PPARG: variants seen among roughly 807,000 people sequenced by gnomAD.
The protein encoded by PPARG is peroxisome proliferator activated receptor gamma, also known as peroxisome proliferator-activated receptor gamma.
In PPARG, 17 loss-of-function variants were observed where a neutral mutation model predicts 39.2. That is an observed-to-expected ratio of 0.43 (90% CI 0.30 to 0.65). The LOEUF is 0.65. Ranked by LOEUF, PPARG falls within the 30% of genes least tolerant of loss-of-function variation. The pLI, the probability that PPARG is intolerant of heterozygous loss-of-function variation, is 0.13. For missense variants in PPARG, 406 were observed against 585.9 expected (o/e 0.69, Z 3.17); for synonymous variants, 223 against 215.7 (o/e 1.03, Z -0.30).
chr3:12,322,564 C>T (rs2047575835), intron 2 of PPARG, among the ~76,000 whole-genome samples: 1 of 152,148 alleles, frequency 6.6e-6, no homozygotes, highest in African/African-American at 2.4e-5. Flanking sequence ...GATGGTTGCA[C>T]TGAGCTGAAC....
chr3:12,422,669 C>T (rs545374580), intron 7 of PPARG, among the ~76,000 whole-genome samples: 1 of 152,172 alleles, frequency 6.6e-6, no homozygotes, highest in East Asian at 1.9e-4. Flanking sequence ...CCCTTGAGCC[C>T]AGAAGTTTGA....
chr3:12,394,149 A>C (rs2125219564), intron 5 of PPARG, among the ~76,000 whole-genome samples: 1 of 152,352 alleles, frequency 6.6e-6, no homozygotes, highest in South Asian at 2.1e-4. Flanking sequence ...ATCAAGTTGC[A>C]ATAAACTTAT....
At chr3:12,388,838 A>G (rs556686821) in intron 4 of PPARG, among the ~76,000 whole-genome samples, 2 of 152,340 alleles carry the variant, frequency 1.3e-5, no homozygotes, top group South Asian at 2.1e-4. Flanking sequence ...TTTGAAAACC[A>G]AGTGAAAAAA....
chr3:12,430,050 T>C (rs1352342005), intron 7 of PPARG, among the ~76,000 whole-genome samples: 1 of 152,170 alleles, frequency 6.6e-6, no homozygotes, highest in African/African-American at 2.4e-5. Context: ...GGAAGAAAAG[T>C]AAGAAAGTTA....
intron 7 of PPARG, among the ~76,000 whole-genome samples, chr3:12,428,427 C>A (rs892608939): frequency 6.6e-6 from 1 of 152,238 alleles, no homozygotes; most frequent in Non-Finnish European, 1.5e-5. Flanking sequence ...AGCAGCCTAC[C>A]CCAGCAGAGA....
At chr3:12,381,611 T>C (rs2049664907) in intron 4 of PPARG, 120 bp downstream of exon 4, 3 of 1,052,906 alleles carry the variant, frequency 2.8e-6, no homozygotes, top group South Asian at 2.8e-5. Flanking sequence ...AGTATCTTGC[T>C]CTGTCACCCA....
intron 6 of PPARG, among the ~76,000 whole-genome samples, chr3:12,408,108 A>G (rs765646854): frequency 1.3e-5 from 2 of 152,216 alleles, no homozygotes; most frequent in East Asian, 1.9e-4. Context: ...CCTCAGTAGC[A>G]TAGTACTTTA....
At chr3:12,371,150 C>CTCTA (rs1290876196) in intron 2 of PPARG, among the ~76,000 whole-genome samples, 1 of 152,094 alleles carries the variant, frequency 6.6e-6, no homozygotes, top group Non-Finnish European at 1.5e-5. Flanking sequence ...ATGGTAAGTG[C>CTCTA]TCTACATACA....
At chr3:12,325,305 T>C (rs959270405) in intron 2 of PPARG, among the ~76,000 whole-genome samples, 3 of 151,722 alleles carry the variant, frequency 2.0e-5, no homozygotes, top group Admixed American at 2.0e-4. Context: ...CCTATAATCC[T>C]AGCTACTTGG....
intron 4 of PPARG, among the ~76,000 whole-genome samples, chr3:12,390,637 CTTTTTTTT>C (rs35190152): frequency 2.2e-5 from 2 of 92,354 alleles, no homozygotes; most frequent in African/African-American, 9.0e-5. Context: ...TATTTTCTTC[CTTTTTTTT>C]TTTTTTTTTT....
At chr3:12,349,048 T>G (rs1349292387) in intron 2 of PPARG, among the ~76,000 whole-genome samples, 3 of 152,186 alleles carry the variant, frequency 2.0e-5, no homozygotes, top group Non-Finnish European at 4.4e-5. Context: ...AACAAATATA[T>G]TGTTTCTCAT....
Position 12,412,474 on chromosome 3 carries a change from C to G in PPARG, c.730-4230C>G, listed in dbSNP as rs558029132. On this transcript the variant is annotated intron_variant, in intron 6 of 7. Transcript: ENST00000651735. ...ATGTCAAAATTGAAAATCAAAATGT[C>G]AAAATATTGAAAATTGAAATATATC... Among the ~76,000 whole-genome samples, 15 of 152,164 alleles carry G rather than the reference C, an allele frequency of 9.9e-5. No homozygotes were observed. In the South Asian group the frequency reaches 2.1e-3, roughly 21 times the overall value.
intron 2 of PPARG, among the ~76,000 whole-genome samples, chr3:12,373,015 T>C (rs1252755246): frequency 3.9e-5 from 6 of 152,214 alleles, no homozygotes; most frequent in Admixed American, 2.6e-4. Context: ...TTAAGACATG[T>C]TCTTGTTACT....
intron 7 of PPARG, among the ~76,000 whole-genome samples, chr3:12,423,566 C>A (rs927059395): frequency 2.6e-5 from 4 of 152,222 alleles, no homozygotes; most frequent in African/African-American, 9.7e-5. Flanking sequence ...GCTTATGGAG[C>A]CTCTGCTTCT....
At chr3:12,334,664 A>G (rs1006297407) in intron 2 of PPARG, among the ~76,000 whole-genome samples, 6 of 152,210 alleles carry the variant, frequency 3.9e-5, no homozygotes, top group African/African-American at 9.7e-5. Context: ...GATGAAATAT[A>G]TAATATATGC....
intron 1 of PPARG, among the ~76,000 whole-genome samples, chr3:12,298,862 G>A (rs1263480098): frequency 1.3e-5 from 2 of 152,064 alleles, no homozygotes; most frequent in South Asian, 2.1e-4. Context: ...TTGAGACAGG[G>A]TCTCACTCTG....
chr3:12,347,553 A>G (rs921513845), intron 2 of PPARG, among the ~76,000 whole-genome samples: 3 of 152,124 alleles, frequency 2.0e-5, no homozygotes, highest in Non-Finnish European at 4.4e-5. Context: ...TGCAACCACC[A>G]CTTGAAAATA....
intron 2 of PPARG, among the ~76,000 whole-genome samples, chr3:12,365,501 T>A (rs149537362): frequency 3.3e-5 from 5 of 152,148 alleles, no homozygotes; most frequent in Admixed American, 2.0e-4. Context: ...GGGAGTTTTA[T>A]AGTTTTGTAC....
chr3:12,289,201 T>G (rs1324353082), intron 1 of PPARG, 67 bp downstream of exon 1: 1 of 152,148 alleles, frequency 6.6e-6, no homozygotes, highest in Non-Finnish European at 1.5e-5. Context: ...ATTTGCAAAA[T>G]TATTGTATTA....
Sources: gnomAD v4.1 joint callset for allele counts (sites outside exome capture counted in the v4.1 genomes callset) on GRCh38, gnomAD v4.1.1 for gene constraint, MANE v1.5 for transcripts, NCBI Gene and HGNC (gene_info 2026-07-23, HGNC 2026-07-21) for gene names.